Variants in JMJD1C observed in about 807,000 individuals in gnomAD.
JMJD1C encodes the protein jumonji domain-containing protein 1C.
A neutral mutation model predicts 245.3 loss-of-function variants in JMJD1C; 31 were observed. The ratio of observed to expected loss-of-function variants is 0.13; its 90% CI spans 0.09 to 0.17. The LOEUF is 0.17. JMJD1C is among the 10% of genes least tolerant of loss of function. The pLI is 1.00. For missense variants in JMJD1C, 2,691 were observed against 3,000.2 expected, an observed-to-expected ratio of 0.90 and a Z score of 2.41; for synonymous variants, 1,057 against 1,017.4, an observed-to-expected ratio of 1.04 and a Z score of -0.74.
chr10:63,485,130 A>T lies in JMJD1C; in HGVS notation n.113+36608T>A, dbSNP rs565299714. On this transcript the variant is annotated intron_variant and non_coding_transcript_variant, in intron 1 of 3. Coordinates refer to the JMJD1C transcript ENST00000633035. Reference sequence around the variant, plus strand: ...AAATTATAAATTTAATTAAATATTTAAAATGATTAAATAAAAAATTCAAAA... The same window carrying T: ...AAATTATAAATTTAATTAAATATTTTAAATGATTAAATAAAAAATTCAAAA... 2.6e-5 allele frequency among the ~76,000 whole-genome samples: 4 copies of T among 151,890 alleles called. No homozygotes were observed. In the East Asian group the frequency reaches 7.7e-4, roughly 29 times the overall value.
intron 2 of JMJD1C, among the ~76,000 whole-genome samples, chr10:63,337,218 G>T (rs1942827022): frequency 6.6e-6 from 1 of 151,160 alleles, no homozygotes. Context: ...ACCGGCACGG[G>T]CACCACTGAG....
chr10:63,218,617 T>G (rs1753302200), intron 4 of JMJD1C, among the ~76,000 whole-genome samples: 1 of 152,146 alleles, frequency 6.6e-6, no homozygotes. Context: ...TAACATAGCT[T>G]AGAGTCAGCC....
At chr10:63,231,843 C>CT (rs1274665799) in intron 3 of JMJD1C, among the ~76,000 whole-genome samples, 3 of 152,012 alleles carry the variant, frequency 2.0e-5, no homozygotes, top group African/African-American at 7.2e-5. Flanking sequence ...CTCCTTTACT[C>CT]TTTTTTTCCT....
intron 1 of JMJD1C, among the ~76,000 whole-genome samples, chr10:63,387,257 C>A (rs1344693112): frequency 6.6e-6 from 1 of 151,978 alleles, no homozygotes; most frequent in Non-Finnish European, 1.5e-5. Flanking sequence ...ATAAAAGAAA[C>A]AAGAAGAAGC....
At chr10:63,280,364 A>G (rs1205758583) in intron 2 of JMJD1C, among the ~76,000 whole-genome samples, 1 of 152,062 alleles carries the variant, frequency 6.6e-6, no homozygotes, top group Non-Finnish European at 1.5e-5. Flanking sequence ...CCTGGCCAAC[A>G]TGGTGAAACC....
intron 1 of JMJD1C, among the ~76,000 whole-genome samples, chr10:63,458,972 T>C (rs1952603505): frequency 6.6e-6 from 1 of 152,192 alleles, no homozygotes; most frequent in African/African-American, 2.4e-5. Context: ...TCTCCCTGCC[T>C]TGGCCTCCCA....
intron 1 of JMJD1C, among the ~76,000 whole-genome samples, chr10:63,453,799 C>T (rs374737380): frequency 2.0e-5 from 3 of 152,210 alleles, no homozygotes; most frequent in South Asian, 2.1e-4. Flanking sequence ...AGGACAGTAG[C>T]GCTACTTTGG....
Position 63,250,447 on chromosome 10 carries a change from T to C in JMJD1C, c.447+14204A>G, listed in dbSNP as rs572926613. Among the ~76,000 whole-genome samples the C allele has an allele frequency of 4.6e-5, 7 of 152,300 alleles. No individual in the cohort carries two copies. In the South Asian group the frequency reaches 1.5e-3, roughly 32 times the overall value. On this transcript the variant is annotated intron_variant, in intron 3 of 25. Transcript: ENST00000399262. Reference sequence around the variant, plus strand: ...GCAGTTCAACGCTCATTTATAGTGCTGGTAGTGGGTATCACTAATTAACTG... The same window carrying C: ...GCAGTTCAACGCTCATTTATAGTGCCGGTAGTGGGTATCACTAATTAACTG...
intron 2 of JMJD1C, among the ~76,000 whole-genome samples, chr10:63,295,955 G>A (rs78645114): frequency 0.095 from 2,902 of 30,596 alleles, 152 homozygotes; most frequent in African/African-American, 0.21. Context: ...ATATATACAC[G>A]TATATGTGTG....
At chr10:63,484,179 A>G (rs957597868) in intron 1 of JMJD1C, among the ~76,000 whole-genome samples, 3 of 148,992 alleles carry the variant, frequency 2.0e-5, no homozygotes, top group Non-Finnish European at 2.9e-5. Flanking sequence ...CTGTAATCCC[A>G]GCACCTTGGG....
chr10:63,317,185 G>A (rs1350414319), intron 2 of JMJD1C, among the ~76,000 whole-genome samples: 1 of 151,690 alleles, frequency 6.6e-6, no homozygotes, highest in African/African-American at 2.4e-5. Flanking sequence ...CTATGTGCTA[G>A]GAACATTTAA....
chr10:63,484,471 C>A (rs570285168), intron 1 of JMJD1C, among the ~76,000 whole-genome samples: 3 of 152,036 alleles, frequency 2.0e-5, no homozygotes, highest in Non-Finnish European at 2.9e-5. Flanking sequence ...GCTATTTATA[C>A]CCTCCCACTT....
chr10:63,277,731 C>CT lies in JMJD1C; in HGVS notation c.334-12968dup, dbSNP rs35442695. Among the ~76,000 whole-genome samples, 624 of 64,228 alleles carry CT rather than the reference C, an allele frequency of 9.7e-3. 75 individuals carry two copies. Among genetic ancestry groups the CT allele is most frequent in the East Asian group, 0.037 (65 of 1,740 alleles). The allele number at this position is 64,228 out of a possible 152,430, so 42.1% of individuals were successfully genotyped here. A position where few individuals can be genotyped will look rare whatever the true frequency, so the allele number is the denominator to read the frequency against. On this transcript the variant is annotated intron_variant, in intron 2 of 25. Coordinates refer to ENST00000399262, the MANE Select transcript of JMJD1C (RefSeq NM_032776.3). ...TATTCATTGAGAGTAATTTGCATTT[C>CT]TTTTTTTTTTTTTTTTTTTTTTTTG...
At chr10:63,371,392 T>C (rs930668536) in intron 2 of JMJD1C, among the ~76,000 whole-genome samples, 3 of 152,200 alleles carry the variant, frequency 2.0e-5, no homozygotes, top group Non-Finnish European at 4.4e-5. Flanking sequence ...TAAAGCTGCA[T>C]AATATGCCAA....
intron 1 of JMJD1C, among the ~76,000 whole-genome samples, chr10:63,471,354 C>A (rs779652940): frequency 7.2e-5 from 11 of 152,106 alleles, no homozygotes; most frequent in Middle Eastern, 3.2e-3. Context: ...GCATGCTAAC[C>A]ATATACTCCA....
intron 1 of JMJD1C, among the ~76,000 whole-genome samples, chr10:63,445,017 A>G (rs1210706813): frequency 1.3e-5 from 2 of 152,124 alleles, no homozygotes; most frequent in Non-Finnish European, 2.9e-5. Flanking sequence ...GCTTGAGGCC[A>G]GGAGTTCAAG....
intron 2 of JMJD1C, among the ~76,000 whole-genome samples, chr10:63,340,632 T>C (rs532686689): frequency 6.6e-6 from 1 of 152,252 alleles, no homozygotes; most frequent in Admixed American, 6.5e-5. Context: ...GACCACCATA[T>C]ATTAATATAA....
At chr10:63,494,115 A>G (rs1178664678) in intron 1 of JMJD1C, among the ~76,000 whole-genome samples, 1 of 152,190 alleles carries the variant, frequency 6.6e-6, no homozygotes, top group African/African-American at 2.4e-5. Flanking sequence ...GATCGAGACC[A>G]GCCTGACCAA....
intron 1 of JMJD1C, among the ~76,000 whole-genome samples, chr10:63,440,353 A>AAATATATAT (rs1554937972): frequency 8.3e-6 from 1 of 120,240 alleles, no homozygotes; most frequent in African/African-American, 3.1e-5. Context: ...AAAAAAAAAA[A>AAATATATAT]ATATATATAT....
Sources: allele counts gnomAD v4.1 joint callset (sites outside exome capture counted in the v4.1 genomes callset), GRCh38; gene constraint gnomAD v4.1.1; transcripts MANE v1.5; gene names NCBI Gene and HGNC (gene_info 2026-07-23, HGNC 2026-07-21).